The following CDC14B variants were observed in gnomAD, a reference collection of about 807,000 sequenced individuals.
CDC14B encodes cell division cycle 14B.
In CDC14B, 22 loss-of-function variants were observed where a neutral mutation model predicts 64.2. That is an observed-to-expected ratio of 0.34 (90% confidence interval 0.24 to 0.49). CDC14B has a LOEUF of 0.49. Among genes scored for constraint, CDC14B ranks in the 20% least tolerant of loss-of-function variants. The probability of loss-of-function intolerance (pLI) is 0.99; values close to 1 mark genes in which losing one functional copy is unlikely to be tolerated. For missense variants in CDC14B, 498 were observed against 629.9 expected (o/e 0.79, Z 2.24); for synonymous variants, 191 against 215.8 (o/e 0.89, Z 1.01).
intron 1 of CDC14B, among the ~76,000 whole-genome samples, chr9:96,589,266 G>C (rs1451808644): frequency 6.6e-6 from 1 of 151,938 alleles, no homozygotes; most frequent in Non-Finnish European, 1.5e-5. Flanking sequence ...TTGAACCTGG[G>C]AGGTACAGGC....
At chr9:96,574,146 CAA>C (rs761032445) in intron 1 of CDC14B, among the ~76,000 whole-genome samples, 7 of 117,988 alleles carry the variant, frequency 5.9e-5, no homozygotes, top group Admixed American at 8.9e-5. Flanking sequence ...GACTCCATCT[CAA>C]AAAAAAAAAA....
intron 12 of CDC14B, among the ~76,000 whole-genome samples, chr9:96,514,179 AAGAAG>A (rs1481031076): frequency 6.6e-6 from 1 of 152,218 alleles, no homozygotes; most frequent in Non-Finnish European, 1.5e-5. Flanking sequence ...GAATACTGAA[AAGAAG>A]AGAGCCTGAT....
intron 1 of CDC14B, among the ~76,000 whole-genome samples, chr9:96,606,810 C>A (rs1314328769): frequency 6.6e-6 from 1 of 152,000 alleles, no homozygotes; most frequent in Non-Finnish European, 1.5e-5. Context: ...AGATGATTTG[C>A]CTGCCTCAGC....
At chr9:96,555,185 CT>C (rs1842340698) in intron 4 of CDC14B, among the ~76,000 whole-genome samples, 1 of 152,170 alleles carries the variant, frequency 6.6e-6, no homozygotes, top group Admixed American at 6.5e-5. Flanking sequence ...CAGGGTGCCC[CT>C]GTGTAACGAA....
At chr9:96,597,426 G>A (rs566573482) in intron 1 of CDC14B, among the ~76,000 whole-genome samples, 68 of 151,738 alleles carry the variant, frequency 4.5e-4, no homozygotes, top group Non-Finnish European at 8.2e-4. Flanking sequence ...CCCAGGAGGC[G>A]GAGGTTGCAG....
chr9:96,504,995 G>A (rs1833926389), intron 13 of CDC14B, among the ~76,000 whole-genome samples: 1 of 152,138 alleles, frequency 6.6e-6, no homozygotes, highest in Admixed American at 6.5e-5. Context: ...CCAACATGGT[G>A]AAACCTCATC....
At chr9:96,591,890 C>T (rs1304627335) in intron 1 of CDC14B, among the ~76,000 whole-genome samples, 8 of 151,962 alleles carry the variant, frequency 5.3e-5, no homozygotes, top group East Asian at 1.9e-4. Flanking sequence ...GGACTACAGG[C>T]GCCCACCAAC....
At chr9:96,587,332 T>C (rs1363769862) in intron 1 of CDC14B, among the ~76,000 whole-genome samples, 1 of 152,222 alleles carries the variant, frequency 6.6e-6, no homozygotes, top group Non-Finnish European at 1.5e-5. Flanking sequence ...TAGTGGTCAC[T>C]ACAATGGACA....
At chr9:96,573,829 CAAG>C (rs1324854742) in intron 1 of CDC14B, among the ~76,000 whole-genome samples, 6 of 151,734 alleles carry the variant, frequency 4.0e-5, no homozygotes. Flanking sequence ...ATCACAGGAC[CAAG>C]AAGAACAAAA....
At chr9:96,493,709 T>C (rs1179678719) in intron 13 of CDC14B, among the ~76,000 whole-genome samples, 1 of 152,106 alleles carries the variant, frequency 6.6e-6, no homozygotes, top group Non-Finnish European at 1.5e-5. Context: ...CCTGTAGTCA[T>C]AGCTACTTGG....
In CDC14B at chr9:96,562,782, T is replaced by C. The variant is rs150380925; in HGVS notation, c.331A>G (p.Ile111Val). 1.6e-4 allele frequency: 252 copies of C among 1,576,384 alleles called. No homozygotes were observed. The highest frequency in any genetic ancestry group is 5.2e-4 in the South Asian group (46 of 88,520). Residue 111 changes from isoleucine (I) to valine (V), a missense_variant, in exon 4 of 14, where the codon ATT becomes GTT. Physicochemically the swap from Ile to Val is conservative, Grantham distance 29. Coordinates refer to ENST00000375241, the MANE Select transcript of CDC14B (RefSeq NM_033331.4). Reference sequence around the variant, plus strand: ...ACAATTTTCTTCCTTAACATTGTAATGGACTGCATAAAAATAAATAACTGT... The same window carrying C: ...ACAATTTTCTTCCTTAACATTGTAACGGACTGCATAAAAATAAATAACTGT... ...CCKINKKLKS[I>V]TMLRKKIVHF...
intron 4 of CDC14B, among the ~76,000 whole-genome samples, chr9:96,558,664 T>C (rs565704158): frequency 6.6e-6 from 1 of 152,390 alleles, no homozygotes; most frequent in Non-Finnish European, 1.5e-5. Context: ...ATTTTTATTA[T>C]GAATTTGTTT....
intron 5 of CDC14B, among the ~76,000 whole-genome samples, chr9:96,548,381 TATG>T (rs768591147): frequency 2.0e-5 from 3 of 152,296 alleles, no homozygotes; most frequent in South Asian, 2.1e-4. Context: ...ACAATGATCC[TATG>T]ATATTTAAAA....
intron 5 of CDC14B, among the ~76,000 whole-genome samples, chr9:96,544,628 G>A (rs973246168): frequency 6.6e-6 from 1 of 152,066 alleles, no homozygotes; most frequent in African/African-American, 2.4e-5. Flanking sequence ...TGGAGTAGCT[G>A]GGACCAAAGG....
intron 1 of CDC14B, 62 bp from the exon 2 acceptor site, chr9:96,565,545 GAC>G (rs1394941659): frequency 1.9e-6 from 2 of 1,027,826 alleles, no homozygotes; most frequent in Admixed American, 3.5e-5. Flanking sequence ...CATATATCAT[GAC>G]ACAACTCTTT....
intron 1 of CDC14B, among the ~76,000 whole-genome samples, chr9:96,601,729 G>A (rs1285014740): frequency 6.7e-6 from 1 of 149,524 alleles, no homozygotes; most frequent in Non-Finnish European, 1.5e-5. Context: ...GGAGGTGGGG[G>A]TTTGCAGTGA....
chr9:96,551,111 C>T (rs1189981093), intron 5 of CDC14B, among the ~76,000 whole-genome samples: 130 of 93,262 alleles, frequency 1.4e-3, no homozygotes, highest in Admixed American at 2.7e-3. Context: ...TTGGGGTTTG[C>T]TTTTTTTTTT....
intron 2 of CDC14B, among the ~76,000 whole-genome samples, chr9:96,565,069 C>G (rs909851478): frequency 8.5e-5 from 13 of 152,152 alleles, no homozygotes; most frequent in African/African-American, 3.1e-4. Context: ...TACATGTAAC[C>G]TCAATGAACA....
chr9:96,547,235 C>T (rs1179306752), intron 5 of CDC14B, among the ~76,000 whole-genome samples: 1 of 151,846 alleles, frequency 6.6e-6, no homozygotes, highest in East Asian at 1.9e-4. Flanking sequence ...GAAGCCGAGG[C>T]TGGTGGATCA....
Sources: gnomAD v4.1 joint callset for allele counts (sites outside exome capture counted in the v4.1 genomes callset) on GRCh38, gnomAD v4.1.1 for gene constraint, MANE v1.5 for transcripts, NCBI Gene and HGNC (gene_info 2026-07-23, HGNC 2026-07-21) for gene names.